Variants in TBC1D19 observed in about 807,000 individuals in gnomAD.
The protein encoded by TBC1D19 is TBC1 domain family, member 19.
TBC1D19 carries 60 observed loss-of-function variants against 89.0 expected under a neutral mutation model. The ratio of observed to expected loss-of-function variants is 0.67; its 90% CI spans 0.55 to 0.84. The LOEUF is 0.84. Ranked by LOEUF, TBC1D19 falls within the 40% of genes least tolerant of loss-of-function variation. The pLI, the probability that TBC1D19 is intolerant of heterozygous loss-of-function variation, is 0.00. For synonymous variants in TBC1D19, 189 were observed against 199.7 expected, an observed-to-expected ratio of 0.95 and a Z score of 0.45; for missense variants, 500 against 610.8, an observed-to-expected ratio of 0.82 and a Z score of 1.91.
At chr4:26,683,601 T>G in intron 11 of TBC1D19, 74 bp from the exon 12 acceptor site, 1 of 1,193,116 alleles carries the variant, frequency 8.4e-7, no homozygotes. Context: ...TAGAATACTA[T>G]TATTATTTGA....
intron 7 of TBC1D19, among the ~76,000 whole-genome samples, chr4:26,646,790 G>A (rs185871359): frequency 1.2e-4 from 18 of 152,254 alleles, no homozygotes; most frequent in Admixed American, 7.2e-4. Flanking sequence ...ACACACTGAG[G>A]TGGGGGAATG....
chr4:26,785,152 C>G, the TBC1D19 span, among the ~76,000 whole-genome samples: 4 of 152,108 alleles, frequency 2.6e-5, no homozygotes, highest in African/African-American at 4.8e-5. Context: ...ATCTCCCTAC[C>G]CACTCTAGCT....
intron 4 of TBC1D19, among the ~76,000 whole-genome samples, chr4:26,628,896 G>T (rs992517674): frequency 6.6e-6 from 1 of 152,042 alleles, no homozygotes; most frequent in Admixed American, 6.6e-5. Context: ...CATGCTCATG[G>T]GTAGGAAGAA....
At chr4:26,612,480 G>C (rs1460677627) in intron 1 of TBC1D19, among the ~76,000 whole-genome samples, 2 of 151,962 alleles carry the variant, frequency 1.3e-5, no homozygotes, top group Non-Finnish European at 2.9e-5. Context: ...TACTCTATTT[G>C]AGATCCTCTA....
chr4:26,821,492 T>C, the TBC1D19 span, among the ~76,000 whole-genome samples: 3 of 152,348 alleles, frequency 2.0e-5, no homozygotes, highest in Non-Finnish European at 4.4e-5. Flanking sequence ...TTTAACAGGT[T>C]TTGTAGTACT....
intron 1 of TBC1D19, among the ~76,000 whole-genome samples, chr4:26,602,458 TTG>T (rs71643622): frequency 0.05 from 7,058 of 141,922 alleles, 219 homozygotes; most frequent in Non-Finnish European, 0.081. Flanking sequence ...TTTTTTTTTT[TTG>T]AGACGGAGAC....
At chr4:26,591,737 G>T (rs1354684306) in intron 1 of TBC1D19, among the ~76,000 whole-genome samples, 1 of 152,196 alleles carries the variant, frequency 6.6e-6, no homozygotes, top group Admixed American at 6.5e-5. Context: ...AGAAAATCTG[G>T]AAGAAATGGA....
chr4:26,707,847 C>T (rs945410905), intron 13 of TBC1D19, among the ~76,000 whole-genome samples: 1 of 151,964 alleles, frequency 6.6e-6, no homozygotes, highest in Non-Finnish European at 1.5e-5. Flanking sequence ...TCTATCCTCA[C>T]CCCTTTCACT....
the TBC1D19 span, among the ~76,000 whole-genome samples, chr4:26,762,648 G>A: frequency 4.6e-5 from 7 of 152,264 alleles, no homozygotes; most frequent in African/African-American, 1.4e-4. Context: ...TTACCTTACC[G>A]GCAAAAGGGA....
the TBC1D19 span, among the ~76,000 whole-genome samples, chr4:26,825,255 C>T: frequency 6.7e-4 from 102 of 152,202 alleles, no homozygotes; most frequent in Non-Finnish European, 8.7e-4. Context: ...CACACCACCA[C>T]GCCCAGCTAA....
chr4:26,628,370 G>C (rs996185364), intron 4 of TBC1D19, among the ~76,000 whole-genome samples: 11 of 152,090 alleles, frequency 7.2e-5, no homozygotes, highest in African/African-American at 2.7e-4. Context: ...GGCGATGCAG[G>C]CTCTTTTTTG....
the TBC1D19 span, among the ~76,000 whole-genome samples, chr4:26,851,335 A>G: frequency 7.8e-4 from 81 of 103,272 alleles, no homozygotes; most frequent in South Asian, 2.0e-3. Context: ...CTATCTATCT[A>G]TCTATCTATC....
chr4:26,846,530 A>G, the TBC1D19 span, among the ~76,000 whole-genome samples: 26 of 152,284 alleles, frequency 1.7e-4, no homozygotes, highest in Middle Eastern at 3.4e-3. Flanking sequence ...ATATTTTTAC[A>G]GTTTATTTTA....
intron 3 of TBC1D19, among the ~76,000 whole-genome samples, chr4:26,616,381 A>G (rs961147030): frequency 1.3e-5 from 2 of 152,222 alleles, no homozygotes; most frequent in South Asian, 2.1e-4. Flanking sequence ...AGAGAGTCCA[A>G]GAATGTTACA....
At chr4:26,716,077 C>T (rs529496708) in intron 13 of TBC1D19, among the ~76,000 whole-genome samples, 2 of 152,260 alleles carry the variant, frequency 1.3e-5, no homozygotes, top group South Asian at 4.1e-4. Context: ...GTTTCCATAG[C>T]ACTTGCTACC....
chr4:26,821,782 T>C, the TBC1D19 span, among the ~76,000 whole-genome samples: 1 of 152,220 alleles, frequency 6.6e-6, no homozygotes, highest in African/African-American at 2.4e-5. Flanking sequence ...CCCTGTCTGC[T>C]CATCACACAC....
At chr4:26,601,554 A>G (rs945911333) in intron 1 of TBC1D19, among the ~76,000 whole-genome samples, 1 of 152,244 alleles carries the variant, frequency 6.6e-6, no homozygotes, top group South Asian at 2.1e-4. Context: ...TTCCCAATGT[A>G]GGAACAGTAA....
chr4:26,795,118 G>T, the TBC1D19 span, among the ~76,000 whole-genome samples: 1 of 152,118 alleles, frequency 6.6e-6, no homozygotes, highest in Non-Finnish European at 1.5e-5. Context: ...GGTCCCCAAG[G>T]CCTCACTTAT....
chr4:26,636,451 G>C (rs1007398348), intron 4 of TBC1D19, among the ~76,000 whole-genome samples: 1 of 135,828 alleles, frequency 7.4e-6, no homozygotes, highest in Non-Finnish European at 1.5e-5. Flanking sequence ...CATTCTAAGA[G>C]ATAACTGGCC....
Sources: gnomAD v4.1 joint callset for allele counts (sites outside exome capture counted in the v4.1 genomes callset) on GRCh38, gnomAD v4.1.1 for gene constraint, MANE v1.5 for transcripts, NCBI Gene and HGNC (gene_info 2026-07-23, HGNC 2026-07-21) for gene names.